Variants in SMARCC1 observed in about 807,000 individuals in gnomAD.
SMARCC1 encodes SWI/SNF related BAF chromatin remodeling complex subunit C1, also known as SWI/SNF complex subunit SMARCC1.
Under a neutral mutation model 147.4 loss-of-function variants are expected in SMARCC1, and 43 were observed. The observed-to-expected ratio is 0.29, with a 90% CI of 0.23 to 0.38. The LOEUF (loss-of-function observed/expected upper bound fraction) is 0.38, where lower values mean the gene tolerates loss of function less well. Ranked by LOEUF, SMARCC1 falls within the 10% of genes least tolerant of loss-of-function variation. The pLI is 1.00. For missense variants in SMARCC1, 1,119 were observed against 1,381.1 expected (o/e 0.81, Z 3.01); for synonymous variants, 495 against 484.4 (o/e 1.02, Z -0.29).
chr3:47,706,534 G>T lies in SMARCC1; in HGVS notation c.919-4C>A. 6.4e-7 allele frequency: 1 copy of T among 1,554,974 alleles called. No individual in the cohort carries two copies. Among genetic ancestry groups the T allele is most frequent in the Non-Finnish European group, 8.7e-7 (1 of 1,156,046 alleles). Reference sequence around the variant, plus strand: ...TTCTTTCTGGACTTCTGACTGGCTAGGAAGAAGTAAATGGAAATAAGTATC... The same window carrying T: ...TTCTTTCTGGACTTCTGACTGGCTATGAAGAAGTAAATGGAAATAAGTATC... On this transcript the variant is annotated splice_polypyrimidine_tract_variant and splice_region_variant and intron_variant, in intron 9 of 27. Transcript: ENST00000254480.
At chr3:47,719,004 C>G (rs904680144) in intron 7 of SMARCC1, among the ~76,000 whole-genome samples, 1 of 152,182 alleles carries the variant, frequency 6.6e-6, no homozygotes, top group South Asian at 2.1e-4. Flanking sequence ...GCTCCGCCCC[C>G]GGGGTTCATG....
intron 18 of SMARCC1, 54 bp from the exon 19 acceptor site, chr3:47,670,771 G>T: frequency 9.4e-7 from 1 of 1,063,228 alleles, no homozygotes; most frequent in Non-Finnish European, 1.5e-6. Flanking sequence ...TGAAGATGGA[G>T]CTCAGTAGAA....
chr3:47,717,233 A>G (rs2034166288), intron 7 of SMARCC1, among the ~76,000 whole-genome samples: 1 of 152,344 alleles, frequency 6.6e-6, no homozygotes, highest in Non-Finnish European at 1.5e-5. Context: ...TTCCTCCCCA[A>G]TTAAAATGGA....
chr3:47,659,293 GA>G (rs149443449), intron 21 of SMARCC1, among the ~76,000 whole-genome samples: 12 of 138,154 alleles, frequency 8.7e-5, no homozygotes, highest in East Asian at 2.1e-4. Flanking sequence ...AAAAAAAAAA[GA>G]AAAAAAAAAG....
chr3:47,637,674 T>G (rs1250762598), intron 22 of SMARCC1, among the ~76,000 whole-genome samples: 1 of 151,236 alleles, frequency 6.6e-6, no homozygotes, highest in African/African-American at 2.4e-5. Context: ...ATTGCGTTGC[T>G]GCATTCCAGC....
intron 1 of SMARCC1, among the ~76,000 whole-genome samples, chr3:47,778,707 T>C (rs968719219): frequency 2.0e-5 from 3 of 152,148 alleles, no homozygotes; most frequent in Non-Finnish European, 4.4e-5. Flanking sequence ...TAAGAGTCAG[T>C]GTGGGCCAAG....
At chr3:47,747,126 C>T (rs146121398) in intron 2 of SMARCC1, among the ~76,000 whole-genome samples, 1 of 151,822 alleles carries the variant, frequency 6.6e-6, no homozygotes, top group East Asian at 1.9e-4. Flanking sequence ...TGAGATCCTA[C>T]CTCTACAAAA....
intron 21 of SMARCC1, among the ~76,000 whole-genome samples, chr3:47,640,992 A>G (rs2033040727): frequency 1.3e-5 from 2 of 152,218 alleles, no homozygotes; most frequent in African/African-American, 4.8e-5. Flanking sequence ...TGTCCATTAT[A>G]AGCTCCTGGA....
intron 26 of SMARCC1, among the ~76,000 whole-genome samples, chr3:47,598,109 C>T (rs2032320565): frequency 6.6e-6 from 1 of 152,076 alleles, no homozygotes. Context: ...TTTGGAAGCC[C>T]TTTTTTTGTT....
At chr3:47,658,324 A>G (rs1559636891) in intron 21 of SMARCC1, among the ~76,000 whole-genome samples, 1 of 152,248 alleles carries the variant, frequency 6.6e-6, no homozygotes. Flanking sequence ...GAAGGAGTAC[A>G]AGTCAATTAA....
chr3:47,753,581 G>A (rs1334575933), intron 2 of SMARCC1, among the ~76,000 whole-genome samples: 1 of 151,512 alleles, frequency 6.6e-6, no homozygotes, highest in East Asian at 1.9e-4. Context: ...GGGCGTGGTG[G>A]TGCATGCCTG....
At chr3:47,602,129 TA>T (rs1047965527) in intron 26 of SMARCC1, among the ~76,000 whole-genome samples, 53 of 152,038 alleles carry the variant, frequency 3.5e-4, no homozygotes, top group African/African-American at 1.2e-3. Context: ...GTGAGGGGCT[TA>T]AAAAGCCAAC....
Position 47,673,400 on chromosome 3 carries a change from G to GA in SMARCC1, c.1839+2074_1839+2075insT, listed in dbSNP as rs999867089. Among the ~76,000 whole-genome samples, 12 of 117,058 alleles carry GA rather than the reference G, an allele frequency of 1.0e-4. 2 individuals are homozygous for GA. Among genetic ancestry groups the GA allele is most frequent in the African/African-American group, 3.8e-4 (10 of 26,378 alleles). 76.8% of individuals were successfully genotyped at this position (117,058 alleles called of 152,430 possible). ...GACTCTGTCTCAAAAAAAAAAGGGTGGGGGGGGGGCAGGCCAGTGGCTCAG... is the reference window on the plus strand; with the variant it reads ...GACTCTGTCTCAAAAAAAAAAGGGTGAGGGGGGGGGCAGGCCAGTGGCTCAG... On this transcript the variant is annotated intron_variant, in intron 18 of 27. Coordinates refer to ENST00000254480, the MANE Select transcript of SMARCC1 (RefSeq NM_003074.4).
chr3:47,589,508 C>G (rs1035136218), intron 27 of SMARCC1, among the ~76,000 whole-genome samples: 1 of 152,174 alleles, frequency 6.6e-6, no homozygotes, highest in Non-Finnish European at 1.5e-5. Context: ...GGTGGCTTGG[C>G]AAACATTTTC....
intron 2 of SMARCC1, among the ~76,000 whole-genome samples, chr3:47,763,384 C>A (rs2034797601): frequency 2.1e-5 from 3 of 143,748 alleles, no homozygotes; most frequent in African/African-American, 7.7e-5. Flanking sequence ...CCAGCCTGGG[C>A]AACAATAGCG....
Position 47,675,442 on chromosome 3 carries a change from GGATTGCAGCCCATGTGT to G in SMARCC1, c.1839+16_1839+32del. On this transcript the variant is annotated intron_variant, in intron 18 of 27. Coordinates refer to ENST00000254480, the MANE Select transcript of SMARCC1 (RefSeq NM_003074.4). ...TATCTTAGAAGGACTAAGATGTGCTGGATTGCAGCCCATGTGTGATTAGAAAAATTACCTTTGCTAAT... is the reference window on the plus strand; with the variant it reads ...TATCTTAGAAGGACTAAGATGTGCTGGATTAGAAAAATTACCTTTGCTAAT... 9.7e-7 allele frequency: 1 copy of G among 1,028,556 alleles called. No homozygotes were observed. Among genetic ancestry groups the G allele is most frequent in the Admixed American group, 1.7e-5 (1 of 58,562 alleles). 63.7% of individuals were successfully genotyped at this position (1,028,556 alleles called of 1,614,324 possible). A position where few individuals can be genotyped will look rare whatever the true frequency, so the allele number is the denominator to read the frequency against.
At chr3:47,669,999 C>A (rs1469488515) in intron 19 of SMARCC1, among the ~76,000 whole-genome samples, 1 of 152,168 alleles carries the variant, frequency 6.6e-6, no homozygotes. Context: ...AAAGGAGCAG[C>A]GACATCTTAG....
intron 2 of SMARCC1, among the ~76,000 whole-genome samples, chr3:47,757,510 C>T (rs574272358): frequency 6.6e-6 from 1 of 152,198 alleles, no homozygotes; most frequent in African/African-American, 2.4e-5. Context: ...GGTGTGGTGG[C>T]TCATGCCTGT....
At chr3:47,704,565 C>A (rs925915718) in intron 10 of SMARCC1, among the ~76,000 whole-genome samples, 2 of 152,068 alleles carry the variant, frequency 1.3e-5, no homozygotes, top group African/African-American at 4.8e-5. Flanking sequence ...GCGCTCCCTG[C>A]AAAGATCTCA....
Sources: gnomAD v4.1 joint callset for allele counts (sites outside exome capture counted in the v4.1 genomes callset) on GRCh38, gnomAD v4.1.1 for gene constraint, MANE v1.5 for transcripts, NCBI Gene and HGNC (gene_info 2026-07-23, HGNC 2026-07-21) for gene names.